Variants in GLB1L3 observed in about 807,000 individuals in gnomAD.
The protein encoded by GLB1L3 is galactosidase beta 1 like 3.
A neutral mutation model predicts 89.5 loss-of-function variants in GLB1L3; 89 were observed. The observed-to-expected ratio is 0.99, with a 90% CI of 0.84 to 1.19. The LOEUF is 1.19. Among genes scored for constraint, GLB1L3 ranks in the 50% most tolerant of loss-of-function variants. The pLI is 0.00. For missense variants in GLB1L3, 812 were observed against 813.3 expected, an observed-to-expected ratio of 1.00 and a Z score of 0.02; for synonymous variants, 314 against 312.3, an observed-to-expected ratio of 1.01 and a Z score of -0.06.
At chr11:134,322,939 G>A (rs1943184362), downstream of GLB1L3, among the ~76,000 whole-genome samples, 2 of 152,158 alleles carry the variant, frequency 1.3e-5, no homozygotes, top group African/African-American at 4.8e-5. Flanking sequence ...CCTGGAAGAG[G>A]AATTGCTGGG....
At chr11:134,307,715 G>A (rs1280121448) in intron 10 of GLB1L3, among the ~76,000 whole-genome samples, 3 of 152,166 alleles carry the variant, frequency 2.0e-5, no homozygotes, top group East Asian at 3.8e-4. Flanking sequence ...AAAGAGATCA[G>A]GTTTTAATCT....
Position 134,312,821 on chromosome 11 carries a change from T to C in GLB1L3, c.1434T>C (p.Phe478=). The change falls in exon 15 of 20, where the codon TTT becomes TTC. Residue 478 remains phenylalanine (F), a synonymous_variant. Coordinates refer to ENST00000431683, the MANE Select transcript of GLB1L3 (RefSeq NM_001080407.3). ...CGCCGGCTCTTCTTTTGCAGGTGTT[T>C]TTGGATGAGACAATGATAGGGATTC... ...RAHAHDVAQV[F]LDETMIGILN... 5 of 1,611,330 alleles carry C rather than the reference T, an allele frequency of 3.1e-6. No individual in the cohort carries two copies. Among genetic ancestry groups the C allele is most frequent in the Non-Finnish European group, 4.2e-6 (5 of 1,178,420 alleles).
rs201115970 is a variant in GLB1L3, at chr11:134,283,719, C to T, written c.528-18C>T. 1.5e-5 allele frequency: 22 copies of T among 1,510,358 alleles called. No individual in the cohort carries two copies. The highest frequency in any genetic ancestry group is 1.7e-4 in the Middle Eastern group (1 of 5,754). 93.6% of individuals were successfully genotyped at this position (1,510,358 alleles called of 1,614,324 possible). ...CCCAACCCGTCTCAGACCCTGAGCC[C>T]GCCCCTCTTGCCCCCAGCTGGCTCC... On this transcript the variant is annotated intron_variant, in intron 5 of 19. Coordinates refer to ENST00000431683, the MANE Select transcript of GLB1L3 (RefSeq NM_001080407.3).
chr11:134,321,246 A>G (rs948826126), downstream of GLB1L3, among the ~76,000 whole-genome samples: 1 of 152,204 alleles, frequency 6.6e-6, no homozygotes, highest in African/African-American at 2.4e-5. Context: ...TCAGATATTA[A>G]CTTTAGACTT....
intron 9 of GLB1L3, among the ~76,000 whole-genome samples, chr11:134,299,041 A>G (rs1941804781): frequency 6.6e-6 from 1 of 151,918 alleles, no homozygotes. Flanking sequence ...CTTAATTTCT[A>G]CTGACTTATC....
Position 134,277,931 on chromosome 11 carries a change from C to A in GLB1L3, c.362+19C>A, listed in dbSNP as rs375647670. 4.2e-5 allele frequency: 68 copies of A among 1,611,466 alleles called. No homozygotes were observed. In the African/African-American group the frequency reaches 8.0e-4, roughly 19 times the overall value. On this transcript the variant is annotated intron_variant, in intron 3 of 19. Coordinates refer to ENST00000431683, the MANE Select transcript of GLB1L3 (RefSeq NM_001080407.3). The stretch of plus-strand genomic sequence containing the variant: ...TCACCACGTGAGTGCCGGCCCCTCA[C>A]CTCCAGGATCTCGTTACCCTACAAG...
At chr11:134,302,021 A>T (rs1941972722) in intron 9 of GLB1L3, among the ~76,000 whole-genome samples, 1 of 152,138 alleles carries the variant, frequency 6.6e-6, no homozygotes, top group Non-Finnish European at 1.5e-5. Flanking sequence ...AATTTTAATC[A>T]TTACGTTGTT....
At chr11:134,293,439 G>A (rs1941469093) in intron 9 of GLB1L3, among the ~76,000 whole-genome samples, 1 of 152,110 alleles carries the variant, frequency 6.6e-6, no homozygotes, top group South Asian at 2.1e-4. Context: ...TGAGTGGGAA[G>A]GGCGAGGGGT....
chr11:134,283,672 G>A (rs1490528048), intron 5 of GLB1L3, 65 bp from the exon 6 acceptor site: 11 of 894,040 alleles, frequency 1.2e-5, no homozygotes, highest in Non-Finnish European at 2.0e-5. Context: ...GGGCAGCTCT[G>A]AGCCCACTCC....
chr11:134,311,357 G>C, intron 13 of GLB1L3, 187 bp downstream of exon 13: 1 of 587,500 alleles, frequency 1.7e-6, no homozygotes, highest in Non-Finnish European at 3.0e-6. Context: ...CTTGGAGTCA[G>C]TGTGCAGGGG....
intron 6 of GLB1L3, among the ~76,000 whole-genome samples, chr11:134,284,620 T>G (rs991811891): frequency 1.3e-5 from 2 of 151,950 alleles, no homozygotes; most frequent in Non-Finnish European, 2.9e-5. Flanking sequence ...CCCCAGCTAC[T>G]CAGCTGGCTG....
intron 4 of GLB1L3, among the ~76,000 whole-genome samples, chr11:134,281,798 T>C (rs1331363579): frequency 2.1e-5 from 3 of 141,570 alleles, no homozygotes; most frequent in Non-Finnish European, 4.6e-5. Flanking sequence ...CACTGAGCCC[T>C]GGGTGTCACC....
At chr11:134,293,533 C>G (rs970583388) in intron 9 of GLB1L3, among the ~76,000 whole-genome samples, 16 of 152,204 alleles carry the variant, frequency 1.1e-4, no homozygotes, top group African/African-American at 3.9e-4. Context: ...TCACGGAGGC[C>G]TCCCAGGGAG....
chr11:134,279,056 A>G (rs1940537997), intron 3 of GLB1L3, among the ~76,000 whole-genome samples: 1 of 152,244 alleles, frequency 6.6e-6, no homozygotes, highest in South Asian at 2.1e-4. Context: ...AAACGGATTT[A>G]AAATTTTATT....
At chr11:134,323,396 TACACACAC>T (rs61583599), downstream of GLB1L3, among the ~76,000 whole-genome samples, 40,884 of 148,452 alleles carry the variant, frequency 0.28, 6,774 homozygotes, top group Non-Finnish European at 0.37. Context: ...CACACACACG[TACACACAC>T]ACACACACAC....
chr11:134,277,329 G>C lies in GLB1L3; in HGVS notation c.27G>C (p.Pro9=). The C allele has an allele frequency of 1.9e-6, 3 of 1,613,882 alleles. No homozygotes were observed. The highest frequency in any genetic ancestry group is 1.7e-5 in the Admixed American group (1 of 60,030). The change falls in exon 2 of 20, where the codon CCG becomes CCC. Residue 9 remains proline, a synonymous_variant. Transcript: ENST00000431683. MKSPPLLS[P]CLSWKRMAGI... is the part of the protein sequence containing the mutation. ...CTGTTGTCCTTTCTCCTTTCAGCCCGTGTCTCTCCTGGAAGAGAATGGCGG... is the reference window on the plus strand; with the variant it reads ...CTGTTGTCCTTTCTCCTTTCAGCCCCTGTCTCTCCTGGAAGAGAATGGCGG...
Position 134,308,160 on chromosome 11 carries a change from CCACCACCAG to C in GLB1L3, c.961+961_961+969del, listed in dbSNP as rs1180315522. Among the ~76,000 whole-genome samples, 27 of 113,638 alleles carry C rather than the reference CCACCACCAG, an allele frequency of 2.4e-4. 1 individual carries two copies. The highest frequency in any genetic ancestry group is 4.1e-4 in the Non-Finnish European group (22 of 54,126). 74.6% of individuals were successfully genotyped at this position (113,638 alleles called of 152,430 possible). A position where few individuals can be genotyped will look rare whatever the true frequency, so the allele number is the denominator to read the frequency against. Reference sequence around the variant, plus strand: ...ACCACAATCACCATCATCACCAACACCACCACCAGCACCACCACCATCACCATCATCACC... The same window carrying C: ...ACCACAATCACCATCATCACCAACACCACCACCACCATCACCATCATCACC... On this transcript the variant is annotated intron_variant, in intron 10 of 19. Coordinates refer to ENST00000431683, the MANE Select transcript of GLB1L3 (RefSeq NM_001080407.3).
intron 6 of GLB1L3, among the ~76,000 whole-genome samples, 158 bp from the exon 7 acceptor site, chr11:134,288,640 G>A (rs900864651): frequency 2.6e-5 from 4 of 152,140 alleles, no homozygotes; most frequent in Non-Finnish European, 5.9e-5. Flanking sequence ...TGACCCAGCA[G>A]ACTCTAACTC....
Position 134,311,066 on chromosome 11 carries a change from AC to A in GLB1L3, c.1184del (p.Thr395IlefsTer18). 6.2e-7 allele frequency: 1 copy of A among 1,612,292 alleles called. No individual in the cohort carries two copies. The highest frequency in any genetic ancestry group is 8.5e-7 in the Non-Finnish European group (1 of 1,179,114). On this transcript the variant is annotated frameshift_variant, in exon 13 of 20. Transcript: ENST00000431683. LOFTEE classifies it high-confidence loss of function. ...CCTGTGCCCCATCTCCATTGCAGCA[AC>A]TCCCCTGCCCCGAGTACCCAAACTT... is the stretch of plus-strand genomic sequence containing the variant. ...LQKLFQSVSATPLPRVPKLPP... is the reference protein window; with the variant it reads ...LQKLFQSVSAXPLPRVPKLPP...
Sources: gnomAD v4.1 joint callset for allele counts (sites outside exome capture counted in the v4.1 genomes callset) on GRCh38, gnomAD v4.1.1 for gene constraint, MANE v1.5 for transcripts, NCBI Gene and HGNC (gene_info 2026-07-23, HGNC 2026-07-21) for gene names.